RNF150: variants seen among roughly 807,000 people sequenced by gnomAD.
The protein encoded by RNF150 is ring finger protein 150.
Under a neutral mutation model 39.3 loss-of-function variants are expected in RNF150, and 24 were observed. That is an observed-to-expected ratio of 0.61 (90% confidence interval 0.44 to 0.86). The LOEUF is 0.86. RNF150 is among the 40% of genes least tolerant of loss of function. The pLI, the probability that RNF150 is intolerant of heterozygous loss-of-function variation, is 0.00. For synonymous variants in RNF150, 255 were observed against 227.3 expected, an observed-to-expected ratio of 1.12 and a Z score of -1.10; for missense variants, 502 against 587.8, an observed-to-expected ratio of 0.85 and a Z score of 1.51.
At chr4:141,056,346 G>A (rs1470783351) in intron 1 of RNF150, among the ~76,000 whole-genome samples, 1 of 152,024 alleles carries the variant, frequency 6.6e-6, no homozygotes, top group Non-Finnish European at 1.5e-5. Flanking sequence ...ATCCAGCCTG[G>A]GCAACATAGT....
At chr4:141,138,280 T>C (rs188894510), upstream of RNF150, among the ~76,000 whole-genome samples, 46 of 152,306 alleles carry the variant, frequency 3.0e-4, no homozygotes, top group Middle Eastern at 3.4e-3. Context: ...ATATTTTTCA[T>C]TTTACATTAA....
intron 1 of RNF150, among the ~76,000 whole-genome samples, chr4:141,027,952 TCAA>T (rs1735786090): frequency 2.2e-4 from 16 of 71,612 alleles, no homozygotes; most frequent in Non-Finnish European, 2.9e-4. Context: ...TTTTTTTTTT[TCAA>T]TCCTGCTGGA....
At chr4:141,209,928 T>C (rs746982770) in intron 1 of RNF150, among the ~76,000 whole-genome samples, 1 of 152,168 alleles carries the variant, frequency 6.6e-6, no homozygotes, top group South Asian at 2.1e-4. Context: ...TAAACAAGGA[T>C]GCTCTGTGTC....
At chr4:141,095,019 G>A (rs10454797) in intron 1 of RNF150, among the ~76,000 whole-genome samples, 56,286 of 152,094 alleles carry the variant, frequency 0.37, 12,179 homozygotes, top group Non-Finnish European at 0.48. Flanking sequence ...TGTAAGTTTC[G>A]TTGACCCTAT....
At position 141,151,042 on chromosome 4, in the gene RNF150, C is replaced by T. The variant is rs139807060; in HGVS notation, c.-6+61752G>A. Reference sequence around the variant, plus strand: ...AGACTCCCAGGCTCAAGTGATTTAGCGCTTCTCCTGCCTCATCTTCTCAAG... The same window carrying T: ...AGACTCCCAGGCTCAAGTGATTTAGTGCTTCTCCTGCCTCATCTTCTCAAG... On this transcript the variant is annotated intron_variant, in intron 1 of 7. Coordinates refer to the RNF150 transcript ENST00000420921. Among the ~76,000 whole-genome samples, 174 of 152,124 alleles carry T rather than the reference C, an allele frequency of 1.1e-3. 3 individuals are homozygous for T. The highest frequency in any genetic ancestry group is 3.9e-3 in the African/African-American group (162 of 41,518).
Position 141,132,130 on chromosome 4 carries a change from C to T in RNF150, c.484+195G>A, listed in dbSNP as rs1215176858. Among the ~76,000 whole-genome samples, 1 of 152,194 alleles carries T rather than the reference C, an allele frequency of 6.6e-6. No homozygotes were observed. Among genetic ancestry groups the T allele is most frequent in the Non-Finnish European group, 1.5e-5 (1 of 68,038 alleles). On this transcript the variant is annotated intron_variant, in intron 1 of 6. Transcript: ENST00000515673. This position sits in a 1 kb window ranked among gnomAD's most constrained non-coding sequence, Gnocchi z 4.9. ...AAGCTCTCCGGCAGCCTCTCCCCTA[C>T]CCAATACAGTTAATCTTCTCCTCTT... is the stretch of plus-strand genomic sequence containing the variant.
At chr4:140,982,712 T>G (rs989228201) in intron 1 of RNF150, among the ~76,000 whole-genome samples, 1 of 152,084 alleles carries the variant, frequency 6.6e-6, no homozygotes, top group African/African-American at 2.4e-5. Context: ...AACAATGAAC[T>G]GATAAGAAAT....
At chr4:141,183,739 T>C (rs903509507) in intron 1 of RNF150, among the ~76,000 whole-genome samples, 1 of 152,084 alleles carries the variant, frequency 6.6e-6, no homozygotes, top group Non-Finnish European at 1.5e-5. Flanking sequence ...CTCCCACTTA[T>C]GAGTGAGAAC....
intron 2 of RNF150, among the ~76,000 whole-genome samples, chr4:140,957,749 AG>A (rs1732828359): frequency 6.6e-6 from 1 of 152,080 alleles, no homozygotes; most frequent in African/African-American, 2.4e-5. Context: ...TGTCCTTTGT[AG>A]GGACATGGAT....
At chr4:141,090,133 G>C (rs1014824804) in intron 1 of RNF150, among the ~76,000 whole-genome samples, 4 of 152,146 alleles carry the variant, frequency 2.6e-5, no homozygotes, top group African/African-American at 4.8e-5. Flanking sequence ...CTAGTCCCAG[G>C]GGGCAGCTTG....
At chr4:141,070,559 A>C (rs1401976038) in intron 1 of RNF150, among the ~76,000 whole-genome samples, 2 of 150,840 alleles carry the variant, frequency 1.3e-5, no homozygotes, top group African/African-American at 2.4e-5. Context: ...ACCCCATCAA[A>C]AAGTGGGCGA....
upstream of RNF150, among the ~76,000 whole-genome samples, chr4:141,135,121 G>C (rs1248525136): frequency 6.6e-6 from 1 of 152,232 alleles, no homozygotes; most frequent in Non-Finnish European, 1.5e-5. Flanking sequence ...GTTTCTTACT[G>C]TTGGAGAAGG....
chr4:140,968,772 C>T (rs374424618), intron 1 of RNF150, among the ~76,000 whole-genome samples: 1 of 151,600 alleles, frequency 6.6e-6, no homozygotes, highest in Non-Finnish European at 1.5e-5. Context: ...TGAAGTGAAG[C>T]CTCTTGGTGA....
intron 6 of RNF150, among the ~76,000 whole-genome samples, chr4:140,885,435 CTT>C (rs1309319458): frequency 3.5e-5 from 4 of 114,364 alleles, no homozygotes; most frequent in Non-Finnish European, 5.2e-5. Flanking sequence ...GTACATATAT[CTT>C]TTTTTTTTTT....
At chr4:141,071,051 C>A (rs1199109488) in intron 1 of RNF150, among the ~76,000 whole-genome samples, 1 of 125,522 alleles carries the variant, frequency 8.0e-6, no homozygotes, top group African/African-American at 3.0e-5. Context: ...ACTATGCAGC[C>A]ATAAAAAATG....
intron 1 of RNF150, among the ~76,000 whole-genome samples, chr4:140,970,951 G>A (rs1349757584): frequency 1.3e-5 from 2 of 152,078 alleles, no homozygotes; most frequent in Non-Finnish European, 2.9e-5. Flanking sequence ...ATGGTGAAAA[G>A]TGATACTAGG....
chr4:141,126,428 C>T (rs1726757146), intron 1 of RNF150, among the ~76,000 whole-genome samples: 2 of 152,208 alleles, frequency 1.3e-5, no homozygotes, highest in Admixed American at 6.5e-5. Context: ...TTTCTAAACA[C>T]TTCTATTCTT....
chr4:141,150,574 ATC>A (rs1727279934), intron 1 of RNF150, among the ~76,000 whole-genome samples: 1 of 152,216 alleles, frequency 6.6e-6, no homozygotes, highest in African/African-American at 2.4e-5. Flanking sequence ...GTAGCATTCC[ATC>A]TCTCTTAGAG....
At chr4:141,032,789 T>G (rs979377445) in intron 1 of RNF150, among the ~76,000 whole-genome samples, 1 of 152,178 alleles carries the variant, frequency 6.6e-6, no homozygotes, top group Non-Finnish European at 1.5e-5. Flanking sequence ...GGTTTCCCAC[T>G]GCATATAAAA....
Sources: gnomAD v4.1 joint callset for allele counts (sites outside exome capture counted in the v4.1 genomes callset) on GRCh38, gnomAD v4.1.1 for gene constraint, Gnocchi (gnomAD v3.1) non-coding constraint, MANE v1.5 for transcripts, NCBI Gene and HGNC (gene_info 2026-07-23, HGNC 2026-07-21) for gene names.